PDE6C: variants seen among roughly 807,000 people sequenced by gnomAD.
The protein encoded by PDE6C is cone cGMP-specific 3',5'-cyclic phosphodiesterase subunit alpha'.
Under a neutral mutation model 113.1 loss-of-function variants are expected in PDE6C, and 75 were observed. The observed-to-expected ratio is 0.66, with a 90% CI of 0.55 to 0.80. The LOEUF is 0.80. Among genes scored for constraint, PDE6C ranks in the 30% least tolerant of loss-of-function variants. The pLI, the probability that PDE6C is intolerant of heterozygous loss-of-function variation, is 0.00. For synonymous variants in PDE6C, 375 were observed against 363.7 expected, an observed-to-expected ratio of 1.03 and a Z score of -0.35; for missense variants, 912 against 1,038.6, an observed-to-expected ratio of 0.88 and a Z score of 1.67.
intron 2 of PDE6C, 50 bp from the exon 3 acceptor site, chr10:93,620,841 C>A: frequency 6.2e-7 from 1 of 1,612,206 alleles, no homozygotes; most frequent in Non-Finnish European, 8.5e-7. Context: ...TGTTGTATAA[C>A]CAAAGAAAAG....
At chr10:93,644,613 T>C (rs1343341138) in intron 14 of PDE6C, among the ~76,000 whole-genome samples, 1 of 151,704 alleles carries the variant, frequency 6.6e-6, no homozygotes, top group African/African-American at 2.4e-5. Context: ...TTGTTTGCTA[T>C]AGTTACTCTG....
Position 93,620,668 on chromosome 10 carries a change from G to A in PDE6C, c.517G>A (p.Gly173Arg), listed in dbSNP as rs759446618. Residue 173 changes from glycine to arginine, a missense_variant, in exon 2 of 22, where the codon GGG (glycine) becomes AGG (arginine). Gly to Arg is a moderately radical substitution (Grantham distance 125). Coordinates refer to ENST00000371447, the MANE Select transcript of PDE6C (RefSeq NM_006204.4). Reference protein sequence around the residue: ...HFSDFMDKQTGYVTKNLLATP... With the variant: ...HFSDFMDKQTRYVTKNLLATP... ...TTCTGACTTCATGGACAAGCAAACTGGGTATGTCACTAAGAACCTGCTGGC... is the reference window on the plus strand; with the variant it reads ...TTCTGACTTCATGGACAAGCAAACTAGGTATGTCACTAAGAACCTGCTGGC... 11 of 1,614,038 alleles carry A rather than the reference G, an allele frequency of 6.8e-6. No individual in the cohort carries two copies. The South Asian group carries it at 9.9e-5, about 14-fold the overall frequency.
intron 16 of PDE6C, among the ~76,000 whole-genome samples, chr10:93,658,186 A>AAG (rs2058648709): frequency 6.9e-6 from 1 of 144,784 alleles, no homozygotes; most frequent in African/African-American, 2.6e-5. Flanking sequence ...AAAAAAAAAA[A>AAG]AAAAAAGAAA....
chr10:93,631,848 G>A (rs988641425), intron 8 of PDE6C, among the ~76,000 whole-genome samples: 3 of 152,230 alleles, frequency 2.0e-5, no homozygotes, highest in Admixed American at 2.0e-4. Flanking sequence ...TATGTTTCTT[G>A]GGGGCATAAT....
At chr10:93,613,442 G>A (rs2058402746) in intron 1 of PDE6C, among the ~76,000 whole-genome samples, 1 of 152,206 alleles carries the variant, frequency 6.6e-6, no homozygotes, top group Non-Finnish European at 1.5e-5. Flanking sequence ...TGAAGTATAA[G>A]TATGTCCCAT....
rs2058582501 is a variant in PDE6C, at chr10:93,646,017, G to A, written c.1905G>A (p.Leu635=). The change falls in exon 15 of 22, where the codon CTG becomes CTA. Residue 635 remains leucine (L), a synonymous_variant. Transcript: ENST00000371447. ...CTTCTATTTTGGAGAGGCACCACCT[G>A]GAGTACAGTAAGACTCTGTTGCAGG... ...HGSSILERHH[L]EYSKTLLQDE... 1 of 1,605,368 alleles carries A rather than the reference G, an allele frequency of 6.2e-7. No individual in the cohort carries two copies. The highest frequency in any genetic ancestry group is 1.7e-5 in the Admixed American group (1 of 59,946).
intron 7 of PDE6C, among the ~76,000 whole-genome samples, chr10:93,627,973 AT>A (rs2058482002): frequency 6.6e-6 from 1 of 152,162 alleles, no homozygotes; most frequent in Non-Finnish European, 1.5e-5. Flanking sequence ...TGAGGTGGGG[AT>A]TTAAGGAGGG....
chr10:93,659,106 C>A lies in PDE6C; in HGVS notation c.2147C>A (p.Ala716Glu). ...VDPTKKEIIM[A>E]MMMTACDLSA... is the part of the protein sequence containing the mutation. ...AAATTTTTTGTTTTCTTCCTAAGGG[C>A]AATGATGATGACGGCATGTGACTTG... Residue 716 changes from alanine (A) to glutamate (E), a missense_variant and splice_region_variant, in exon 18 of 22, where the codon GCA becomes GAA. Transcript: ENST00000371447. The A allele has an allele frequency of 1.9e-6, 3 of 1,609,610 alleles. No homozygotes were observed. The highest frequency in any genetic ancestry group is 2.5e-6 in the Non-Finnish European group (3 of 1,177,774).
intron 15 of PDE6C, 130 bp downstream of exon 15, chr10:93,646,177 T>G: frequency 1.6e-6 from 1 of 645,136 alleles, no homozygotes; most frequent in Non-Finnish European, 2.8e-6. Context: ...TTGAAGTCAA[T>G]TGATAGAAAT....
chr10:93,636,875 T>C (rs2058534877), intron 10 of PDE6C, 120 bp from the exon 11 acceptor site: 1 of 688,700 alleles, frequency 1.5e-6, no homozygotes, highest in Non-Finnish European at 2.6e-6. Context: ...TCCAGGGATC[T>C]TCCCGCCTCT....
intron 15 of PDE6C, among the ~76,000 whole-genome samples, chr10:93,654,269 G>A (rs988449342): frequency 1.3e-5 from 2 of 152,176 alleles, no homozygotes; most frequent in Non-Finnish European, 1.5e-5. Context: ...TTATACCACT[G>A]CCAAAGTGGG....
Position 93,634,773 on chromosome 10 carries a change from GA to G in PDE6C, c.1138del (p.Thr380LeufsTer55). 1 of 1,614,072 alleles carries G rather than the reference GA, an allele frequency of 6.2e-7. No individual in the cohort carries two copies. Among genetic ancestry groups the G allele is most frequent in the Non-Finnish European group, 8.5e-7 (1 of 1,179,978 alleles). On this transcript the variant is annotated frameshift_variant, in exon 9 of 22. Coordinates refer to ENST00000371447, the MANE Select transcript of PDE6C (RefSeq NM_006204.4). LOFTEE classifies it high-confidence loss of function. ...TCGTTTGTAGAAAGGACCTGTAGAC[GA>G]AACTGGTTGGGTCATTAAGAATGTT... The part of the protein sequence containing the change: ...YFTFQKGPVD[E>X]TGWVIKNVLS...
In PDE6C at chr10:93,633,465, C is replaced by CA. The variant is rs111369291; in HGVS notation, c.1120-1278dup. 1.3e-3 allele frequency among the ~76,000 whole-genome samples: 117 copies of CA among 87,308 alleles called. 2 individuals are homozygous for CA. The highest frequency in any genetic ancestry group is 4.2e-3 in the African/African-American group (113 of 26,680). 57.3% of individuals were successfully genotyped at this position (87,308 alleles called of 152,430 possible). On this transcript the variant is annotated intron_variant, in intron 8 of 21. Transcript: ENST00000371447. ...TGGGTGACACAGTGAGACCCTGTCT[C>CA]AAAAAAAAAAAAAAATAAAAAAAAA... is the stretch of plus-strand genomic sequence containing the variant.
At chr10:93,632,197 T>C (rs977363565) in intron 8 of PDE6C, among the ~76,000 whole-genome samples, 11 of 152,312 alleles carry the variant, frequency 7.2e-5, no homozygotes, top group African/African-American at 2.4e-4. Context: ...TGTAATTACA[T>C]TGGGTCCACC....
chr10:93,621,666 C>T (rs1424885219), intron 3 of PDE6C, among the ~76,000 whole-genome samples: 1 of 152,184 alleles, frequency 6.6e-6, no homozygotes, highest in African/African-American at 2.4e-5. Flanking sequence ...GGGCACTTCC[C>T]CTTTGGAGCC....
chr10:93,661,995 C>A, intron 18 of PDE6C, 64 bp from the exon 19 acceptor site: 1 of 956,482 alleles, frequency 1.0e-6, no homozygotes, highest in Non-Finnish European at 1.7e-6. Context: ...GTCACTTGTA[C>A]TAATAAAATG....
intron 15 of PDE6C, among the ~76,000 whole-genome samples, chr10:93,649,796 G>A (rs1344423872): frequency 6.6e-6 from 1 of 152,034 alleles, no homozygotes; most frequent in East Asian, 1.9e-4. Context: ...GTAGAGGCAG[G>A]GTTTCACCAT....
intron 1 of PDE6C, among the ~76,000 whole-genome samples, chr10:93,615,219 G>A (rs191528880): frequency 6.6e-6 from 1 of 152,164 alleles, no homozygotes; most frequent in Non-Finnish European, 1.5e-5. Context: ...CTGAGTCTGG[G>A]AGGCCAAGGC....
chr10:93,634,976 G>T, intron 9 of PDE6C, 69 bp downstream of exon 9: 1 of 1,505,104 alleles, frequency 6.6e-7, no homozygotes. Flanking sequence ...GTAATTATTT[G>T]TTATTCTGGA....
Sources: gnomAD v4.1 joint callset for allele counts (sites outside exome capture counted in the v4.1 genomes callset) on GRCh38, gnomAD v4.1.1 for gene constraint, MANE v1.5 for transcripts, NCBI Gene and HGNC (gene_info 2026-07-23, HGNC 2026-07-21) for gene names.